The following BTN3A3 variants were observed in gnomAD, a reference collection of about 807,000 sequenced individuals.
The protein encoded by BTN3A3 is butyrophilin 3.
BTN3A3 carries 39 observed loss-of-function variants against 43.2 expected under a neutral mutation model. The ratio of observed to expected loss-of-function variants is 0.90; its 90% confidence interval spans 0.70 to 1.18. BTN3A3 has a LOEUF of 1.18. BTN3A3 is among the 50% of genes most tolerant of loss of function. The pLI, the probability that BTN3A3 is intolerant of heterozygous loss-of-function variation, is 0.00. For synonymous variants in BTN3A3, 255 were observed against 272.7 expected, an observed-to-expected ratio of 0.93 and a Z score of 0.64; for missense variants, 631 against 722.8, an observed-to-expected ratio of 0.87 and a Z score of 1.46.
In BTN3A3 at chr6:26,452,493, G is replaced by C. The variant is rs1762959655; in HGVS notation, c.*82G>C. 8.2e-7 allele frequency: 1 copy of C among 1,212,902 alleles called. No homozygotes were observed. The highest frequency in any genetic ancestry group is 2.5e-5 in the East Asian group (1 of 39,234). The allele number at this position is 1,212,902 out of a possible 1,614,324, so 75.1% of individuals were successfully genotyped here. ...CCCCTTATACAGATAAGGAAACTGG[G>C]GTGCAGAAAGGTGAATTAACTTTAC... On this transcript the variant is annotated 3_prime_UTR_variant, in exon 11 of 11. Coordinates refer to ENST00000244519, the MANE Select transcript of BTN3A3 (RefSeq NM_006994.5).
chr6:26,449,400 A>G, intron 8 of BTN3A3: 1 of 535,290 alleles, frequency 1.9e-6, no homozygotes. Flanking sequence ...GTACAGGAGT[A>G]TAGACAGATT....
chr6:26,443,803 G>A (rs1762702433), intron 3 of BTN3A3, 144 bp downstream of exon 3: 4 of 1,500,472 alleles, frequency 2.7e-6, no homozygotes, highest in East Asian at 2.4e-5. Flanking sequence ...CAACCTGAAG[G>A]ACCACCTGTC....
rs1398467086 is a variant in BTN3A3, at chr6:26,452,316, C to T, written c.1660C>T (p.Leu554=). ...GGAGCCTCAGGCTGAAGTAACATCT[C>T]TGCTTCTCCCTGCCCACCCTGGAGC... ...SGEPQAEVTS[L]LLPAHPGAEV... Residue 554 remains leucine (L), a synonymous_variant, in exon 11 of 11, where the codon CTG becomes TTG. Coordinates refer to ENST00000244519, the MANE Select transcript of BTN3A3 (RefSeq NM_006994.5). 2.5e-6 allele frequency: 4 copies of T among 1,613,490 alleles called. No homozygotes were observed. The highest frequency in any genetic ancestry group is 3.4e-6 in the Non-Finnish European group (4 of 1,180,022).
chr6:26,443,005 G>A (rs1741741), intron 1 of BTN3A3, among the ~76,000 whole-genome samples: 1 of 152,206 alleles, frequency 6.6e-6, no homozygotes, highest in Admixed American at 6.5e-5. Context: ...AGATGAGTAA[G>A]GCCTGGTCTT....
At chr6:26,450,512 G>C (rs1215813237) in intron 10 of BTN3A3, among the ~76,000 whole-genome samples, 1 of 152,186 alleles carries the variant, frequency 6.6e-6, no homozygotes, top group Non-Finnish European at 1.5e-5. Flanking sequence ...GCCCCCTACT[G>C]CCTGTGTCAC....
At position 26,445,749 on chromosome 6, in the gene BTN3A3, G is replaced by T; in HGVS notation, c.479G>T (p.Gly160Val). ...LHIEVKGYED[G>V]GIHLECRSTG... ...ATTGAAGTGAAGGGTTATGAGGATGGAGGGATCCATCTGGAGTGCAGGTCC... is the reference window on the plus strand; with the variant it reads ...ATTGAAGTGAAGGGTTATGAGGATGTAGGGATCCATCTGGAGTGCAGGTCC... Residue 160 changes from glycine (G) to valine (V), a missense_variant, in exon 5 of 11, where the codon GGA becomes GTA. Gly to Val is a moderately radical substitution (Grantham distance 109, BLOSUM62 -3). Coordinates refer to ENST00000244519, the MANE Select transcript of BTN3A3 (RefSeq NM_006994.5). 1 of 1,614,178 alleles carries T rather than the reference G, an allele frequency of 6.2e-7. No homozygotes were observed. The highest frequency in any genetic ancestry group is 1.1e-5 in the South Asian group (1 of 91,080).
chr6:26,445,889 T>C lies in BTN3A3; in HGVS notation c.619T>C (p.Ser207Pro), dbSNP rs775709582. 2 of 1,614,178 alleles carry C rather than the reference T, an allele frequency of 1.2e-6. No homozygotes were observed. The highest frequency in any genetic ancestry group is 2.2e-5 in the South Asian group (2 of 91,088). The change falls in exon 5 of 11, where the codon TCT (serine) becomes CCT (proline). Residue 207 changes from serine (S) to proline (P), a missense_variant. Around this residue, in one of 2 missense-constraint regions of BTN3A3, gnomAD observed 551 missense variants for 584.0 expected, o/e 0.94. Transcript: ENST00000244519. ...DGVGLYAVAA[S>P]VIMRGSSGGG... is the part of the protein sequence containing the mutation. ...AGTGGGCCTGTATGCAGTAGCAGCA[T>C]CTGTGATCATGAGAGGCAGCTCTGG...
At position 26,445,206 on chromosome 6, in the gene BTN3A3, C is replaced by G. The variant is rs544587426; in HGVS notation, c.434-498C>G. 5.4e-4 allele frequency: 88 copies of G among 162,992 alleles called. 2 individuals are homozygous for G. The South Asian group carries it at 0.013, about 23-fold the overall frequency. The allele number at this position is 162,992 out of a possible 1,614,324, so 10.1% of individuals were successfully genotyped here. On this transcript the variant is annotated intron_variant, in intron 4 of 10. Transcript: ENST00000244519. ...TATGTTCAACAGGAGGATACCAAGA[C>G]CTGGTATCAGGTTCCAGACGCCGAG...
chr6:26,451,539 G>A, intron 10 of BTN3A3, 136 bp from the exon 11 acceptor site: 2 of 1,451,230 alleles, frequency 1.4e-6, no homozygotes, highest in South Asian at 1.5e-5. Context: ...ATTGATGAGA[G>A]AGTCATATTT....
chr6:26,451,193 A>G (rs1167025075), intron 10 of BTN3A3, among the ~76,000 whole-genome samples: 1 of 152,160 alleles, frequency 6.6e-6, no homozygotes, highest in Non-Finnish European at 1.5e-5. Flanking sequence ...ATTCCCCTAT[A>G]CTACGCTAGA....
intron 4 of BTN3A3, 72 bp downstream of exon 4, chr6:26,444,376 A>T: frequency 6.2e-7 from 1 of 1,609,000 alleles, no homozygotes; most frequent in East Asian, 2.2e-5. Context: ...CCCTCTTCCA[A>T]AAGTACTGCA....
At chr6:26,449,538 G>T in intron 8 of BTN3A3, 124 bp from the exon 9 acceptor site, 2 of 1,009,704 alleles carry the variant, frequency 2.0e-6, no homozygotes, top group Non-Finnish European at 3.0e-6. Flanking sequence ...AGCTTGCAGA[G>T]TGAGACCACA....
chr6:26,448,914 A>T (rs1375408326), intron 8 of BTN3A3, among the ~76,000 whole-genome samples, 160 bp downstream of exon 8: 5 of 151,988 alleles, frequency 3.3e-5, no homozygotes, highest in Admixed American at 2.0e-4. Flanking sequence ...TGGAGAAACC[A>T]CCCAGAAGGA....
At chr6:26,444,758 T>C (rs1389568453) in intron 4 of BTN3A3, 3 of 260,836 alleles carry the variant, frequency 1.2e-5, no homozygotes, top group Non-Finnish European at 2.2e-5. Flanking sequence ...TAATGAGGCA[T>C]GTTTCTTACT....
chr6:26,447,418 T>C (rs1306595297), intron 5 of BTN3A3, among the ~76,000 whole-genome samples: 1 of 152,182 alleles, frequency 6.6e-6, no homozygotes, highest in African/African-American at 2.4e-5. Context: ...GCTGGAATGC[T>C]GTGGCACAAT....
chr6:26,448,275 G>A lies in BTN3A3; in HGVS notation c.743G>A (p.Trp248Ter), dbSNP rs764059839. 7 of 1,613,724 alleles carry A rather than the reference G, an allele frequency of 4.3e-6. No individual in the cohort carries two copies. The South Asian group carries it at 6.6e-5, about 15-fold the overall frequency. ...ADPFFRSAQPWIAALAGTLPI... is the reference protein window; with the variant it reads ...ADPFFRSAQP ...CCCTTCTTCAGGAGCGCCCAGCCCT[G>A]GATCGCGGCCCTGGCAGGGACCCTG... is the stretch of plus-strand genomic sequence containing the variant. Residue 248 changes from tryptophan to a stop codon, truncating the protein, a stop_gained, in exon 6 of 11, where the codon TGG becomes TAG. Transcript: ENST00000244519. LOFTEE classifies it high-confidence loss of function.
In BTN3A3 at chr6:26,442,031, A is replaced by G. The variant is rs536287372; in HGVS notation, c.-66-1351A>G. On this transcript the variant is annotated intron_variant, in intron 1 of 10. Coordinates refer to ENST00000244519, the MANE Select transcript of BTN3A3 (RefSeq NM_006994.5). ...TGAGGAACAGAAGATGTGAAATGCA[A>G]TATTTAGTCTGGGTCAGTGCAAGAT... Among the ~76,000 whole-genome samples the G allele has an allele frequency of 1.9e-3, 289 of 152,322 alleles. 2 individuals carry two copies. Among genetic ancestry groups the G allele is most frequent in the African/African-American group, 6.7e-3 (277 of 41,572 alleles).
rs1295798865 is a variant in BTN3A3 at position 26,448,358 on chromosome 6, GA to G, written c.832del (p.Ile278LeufsTer13). The G allele has an allele frequency of 2.5e-6, 4 of 1,613,696 alleles. No individual in the cohort carries two copies. In the African/African-American group the frequency reaches 5.3e-5, roughly 22 times the overall value. On this transcript the variant is annotated frameshift_variant, in exon 6 of 11. Coordinates refer to ENST00000244519, the MANE Select transcript of BTN3A3 (RefSeq NM_006994.5). LOFTEE classifies it high-confidence loss of function. Reference protein sequence around the residue: ...ASYFLWRQQKEKIALSRETER... With the variant: ...ASYFLWRQQKXKIALSRETER... ...TTACTTCTTGTGGAGACAACAGAAGGAAAAAATTGCTCTGTCCAGGGAGACA... is the reference window on the plus strand; with the variant it reads ...TTACTTCTTGTGGAGACAACAGAAGGAAAAATTGCTCTGTCCAGGGAGACA...
chr6:26,447,024 G>C (rs1040592187), intron 5 of BTN3A3, among the ~76,000 whole-genome samples: 2 of 152,014 alleles, frequency 1.3e-5, no homozygotes, highest in Admixed American at 6.5e-5. Flanking sequence ...TCACCAGCCC[G>C]GCCTATAAAA....
Sources: allele counts gnomAD v4.1 joint callset (sites outside exome capture counted in the v4.1 genomes callset), GRCh38; gene constraint gnomAD v4.1.1; regional missense constraint gnomAD v4.1.1; transcripts MANE v1.5; gene names NCBI Gene and HGNC (gene_info 2026-07-23, HGNC 2026-07-21).